Variants in ZSWIM6 observed in about 807,000 individuals in gnomAD.
The protein encoded by ZSWIM6 is zinc finger SWIM domain-containing protein 6.
ZSWIM6 carries 9 observed loss-of-function variants against 113.2 expected under a neutral mutation model. That is an observed-to-expected ratio of 0.08 (90% confidence interval 0.05 to 0.14). The LOEUF (loss-of-function observed/expected upper bound fraction) is 0.14. Among genes scored for constraint, ZSWIM6 ranks in the 10% least tolerant of loss-of-function variants. ZSWIM6 has a pLI of 1.00. For synonymous variants in ZSWIM6, 611 were observed against 606.5 expected (o/e 1.01, Z -0.11); for missense variants, 1,162 against 1,552.2 (o/e 0.75, Z 4.22).
intron 2 of ZSWIM6, among the ~76,000 whole-genome samples, chr5:61,484,064 G>C (rs1747950892): frequency 6.6e-6 from 1 of 152,006 alleles, no homozygotes; most frequent in African/African-American, 2.4e-5. Flanking sequence ...AGTTTTTGGA[G>C]GGTATCTGAA....
chr5:61,515,192 A>G (rs896355566), intron 4 of ZSWIM6, among the ~76,000 whole-genome samples: 1 of 152,170 alleles, frequency 6.6e-6, no homozygotes, highest in Non-Finnish European at 1.5e-5. Flanking sequence ...TCTGAGATCT[A>G]TAATGATGTC....
At chr5:61,417,153 A>G (rs1299135533) in intron 1 of ZSWIM6, among the ~76,000 whole-genome samples, 1 of 152,178 alleles carries the variant, frequency 6.6e-6, no homozygotes, top group African/African-American at 2.4e-5. Context: ...AAGAAAAAAA[A>G]AATAAAAGCG....
intron 1 of ZSWIM6, among the ~76,000 whole-genome samples, chr5:61,356,735 TATATTA>T (rs1744919368): frequency 7.3e-6 from 1 of 136,612 alleles, no homozygotes; most frequent in Non-Finnish European, 1.5e-5. Flanking sequence ...ATATATAATA[TATATTA>T]TATATATATA....
intron 2 of ZSWIM6, among the ~76,000 whole-genome samples, chr5:61,478,287 G>A (rs1308649400): frequency 6.6e-6 from 1 of 152,168 alleles, no homozygotes; most frequent in Non-Finnish European, 1.5e-5. Flanking sequence ...AAGAATTCAT[G>A]TAGTAGTATT....
chr5:61,444,414 G>A (rs919582735), intron 1 of ZSWIM6, among the ~76,000 whole-genome samples: 4 of 152,004 alleles, frequency 2.6e-5, no homozygotes, highest in Non-Finnish European at 4.4e-5. Flanking sequence ...ACATACGTGT[G>A]CGTGTGTCTT....
intron 7 of ZSWIM6, among the ~76,000 whole-genome samples, chr5:61,529,114 A>G (rs977854821): frequency 6.6e-6 from 1 of 152,326 alleles, no homozygotes; most frequent in Middle Eastern, 3.4e-3. Context: ...GGCTGAGGCA[A>G]GAGAATCGCT....
intron 10 of ZSWIM6, among the ~76,000 whole-genome samples, chr5:61,538,240 G>T (rs1749633444): frequency 6.6e-6 from 1 of 152,220 alleles, no homozygotes; most frequent in Non-Finnish European, 1.5e-5. Context: ...ATAGTCTAAT[G>T]TCAAATTCCT....
intron 1 of ZSWIM6, among the ~76,000 whole-genome samples, chr5:61,349,929 T>C (rs1265357183): frequency 6.6e-6 from 1 of 152,218 alleles, no homozygotes; most frequent in East Asian, 1.9e-4. Flanking sequence ...AACTTCAGAA[T>C]ATCCCACAAG....
intron 2 of ZSWIM6, among the ~76,000 whole-genome samples, chr5:61,473,753 TTTTAAAAATA>T (rs1248868475): frequency 6.6e-6 from 1 of 152,200 alleles, no homozygotes; most frequent in African/African-American, 2.4e-5. Context: ...TTGGACATAA[TTTTAAAAATA>T]TTTAAAAATA....
chr5:61,427,375 T>C (rs1052705810), intron 1 of ZSWIM6, among the ~76,000 whole-genome samples: 1 of 152,240 alleles, frequency 6.6e-6, no homozygotes, highest in Non-Finnish European at 1.5e-5. Context: ...TAATACCTAA[T>C]AGAATGCCTA....
rs976866007 is a variant in ZSWIM6 at position 61,472,329 on chromosome 5, A to C, written c.677-352A>C. Among the ~76,000 whole-genome samples the C allele has an allele frequency of 1.3e-5, 2 of 152,154 alleles. No individual in the cohort carries two copies. Among genetic ancestry groups the C allele is most frequent in the Non-Finnish European group, 2.9e-5 (2 of 68,028 alleles). On this transcript the variant is annotated intron_variant, in intron 1 of 13. Coordinates refer to ENST00000252744, the MANE Select transcript of ZSWIM6 (RefSeq NM_020928.2). This position sits in a 1 kb window ranked among gnomAD's most constrained non-coding sequence, Gnocchi z 4.1. ...AAGAAACCACTGATCCCACTGATCTAGGGGATTATTGTGTTGTATACCACT... is the reference window on the plus strand; with the variant it reads ...AAGAAACCACTGATCCCACTGATCTCGGGGATTATTGTGTTGTATACCACT...
At chr5:61,510,481 T>C (rs894374901) in intron 4 of ZSWIM6, among the ~76,000 whole-genome samples, 3 of 150,976 alleles carry the variant, frequency 2.0e-5, no homozygotes, top group Non-Finnish European at 1.5e-5. Flanking sequence ...ATTGGAACCA[T>C]TTACTTTGTG....
At chr5:61,363,266 G>A (rs1026023036) in intron 1 of ZSWIM6, among the ~76,000 whole-genome samples, 9 of 152,192 alleles carry the variant, frequency 5.9e-5, no homozygotes, top group Non-Finnish European at 1.2e-4. Flanking sequence ...ATACAAGAAT[G>A]ATTACATCAA....
chr5:61,434,942 A>T (rs1005658225), intron 1 of ZSWIM6, among the ~76,000 whole-genome samples: 5 of 152,230 alleles, frequency 3.3e-5, no homozygotes, highest in African/African-American at 9.6e-5. Context: ...TGAAAATACA[A>T]TATGCCCTTA....
intron 1 of ZSWIM6, among the ~76,000 whole-genome samples, chr5:61,346,861 AC>A (rs1469438219): frequency 2.0e-5 from 3 of 152,210 alleles, no homozygotes; most frequent in Non-Finnish European, 4.4e-5. Context: ...AATGACTACT[AC>A]TGTGGGGGAA....
chr5:61,429,626 G>A (rs532724270), intron 1 of ZSWIM6, among the ~76,000 whole-genome samples: 2 of 152,286 alleles, frequency 1.3e-5, no homozygotes, highest in East Asian at 3.9e-4. Flanking sequence ...CAAACATTTG[G>A]TCAGGAAGGA....
chr5:61,500,455 C>G (rs1415996797), intron 4 of ZSWIM6, among the ~76,000 whole-genome samples: 1 of 152,082 alleles, frequency 6.6e-6, no homozygotes, highest in African/African-American at 2.4e-5. Context: ...TTATATGCCT[C>G]TCTTCCAGGT....
intron 4 of ZSWIM6, among the ~76,000 whole-genome samples, chr5:61,508,463 CAT>C (rs1748687962): frequency 6.6e-6 from 1 of 152,128 alleles, no homozygotes; most frequent in African/African-American, 2.4e-5. Flanking sequence ...CAGCTCTTCT[CAT>C]ATGATGAATG....
At chr5:61,377,585 C>A (rs1005703299) in intron 1 of ZSWIM6, among the ~76,000 whole-genome samples, 4 of 151,988 alleles carry the variant, frequency 2.6e-5, no homozygotes, top group Non-Finnish European at 1.5e-5. Context: ...GGCGTGGCGG[C>A]ATGTACCTGT....
Sources: gnomAD v4.1 joint callset for allele counts (sites outside exome capture counted in the v4.1 genomes callset) on GRCh38, gnomAD v4.1.1 for gene constraint, Gnocchi (gnomAD v3.1) non-coding constraint, MANE v1.5 for transcripts, NCBI Gene and HGNC (gene_info 2026-07-23, HGNC 2026-07-21) for gene names.